The following HELLS variants were observed in gnomAD, a reference collection of about 807,000 sequenced individuals.
The protein encoded by HELLS is helicase, lymphoid specific.
A neutral mutation model predicts 120.0 loss-of-function variants in HELLS; 32 were observed. The ratio of observed to expected loss-of-function variants is 0.27; its 90% CI spans 0.20 to 0.36. The LOEUF (loss-of-function observed/expected upper bound fraction) is 0.36, where lower values mean the gene tolerates loss of function less well. HELLS is among the 10% of genes least tolerant of loss of function. The pLI is 1.00. For missense variants in HELLS, 650 were observed against 993.4 expected (o/e 0.65, Z 4.65); for synonymous variants, 341 against 323.4 (o/e 1.05, Z -0.58).
At chr10:94,553,953 G>A (rs571687139) in intron 2 of HELLS, among the ~76,000 whole-genome samples, 173 bp from the exon 3 acceptor site, 17 of 152,066 alleles carry the variant, frequency 1.1e-4, no homozygotes, top group African/African-American at 2.9e-4. Flanking sequence ...CTATCAGATT[G>A]CCTGTTAAAC....
intron 6 of HELLS, among the ~76,000 whole-genome samples, chr10:94,564,692 A>G (rs998911371): frequency 5.9e-5 from 9 of 151,790 alleles, no homozygotes; most frequent in Non-Finnish European, 1.3e-4. Context: ...GCTCACTGCT[A>G]CAAGCTCCAC....
rs1433189897 is a variant in HELLS, at chr10:94,545,921, C to T, written c.-1C>T. On this transcript the variant is annotated 5_prime_UTR_variant, in exon 1 of 22. Coordinates refer to ENST00000348459, the MANE Select transcript of HELLS (RefSeq NM_018063.5). ...CCCGGTTCCCGGGTGAGTGTCCAGGCATGCCAGCGGAACGGCCCGCGGGCA... is the reference window on the plus strand; with the variant it reads ...CCCGGTTCCCGGGTGAGTGTCCAGGTATGCCAGCGGAACGGCCCGCGGGCA... 6.4e-7 allele frequency: 1 copy of T among 1,555,358 alleles called. No individual in the cohort carries two copies. The highest frequency in any genetic ancestry group is 8.7e-7 in the Non-Finnish European group (1 of 1,148,830).
chr10:94,575,765 TTGTGTTTGTGTGTGTGTGTGTG>T (rs1589733690), intron 9 of HELLS, among the ~76,000 whole-genome samples: 2 of 38,702 alleles, frequency 5.2e-5, no homozygotes, highest in East Asian at 2.6e-3. Flanking sequence ...GGGGGGGGGG[TTGTGTTTGTGTGTGTGTGTGTG>T]TGTGTGTGTG....
At chr10:94,602,489 G>A (rs574333521), downstream of HELLS, among the ~76,000 whole-genome samples, 6 of 152,266 alleles carry the variant, frequency 3.9e-5, no homozygotes, top group African/African-American at 1.4e-4. Flanking sequence ...ATCAGACAAT[G>A]AGGAAGAGAA....
At position 94,589,779 on chromosome 10, in the gene HELLS, C is replaced by T. The variant is rs530348134; in HGVS notation, c.1489-634C>T. 1.6e-3 allele frequency among the ~76,000 whole-genome samples: 245 copies of T among 150,224 alleles called. 1 individual carries two copies. Among genetic ancestry groups the T allele is most frequent in the Non-Finnish European group, 2.8e-3 (191 of 67,764 alleles). On this transcript the variant is annotated intron_variant, in intron 13 of 21. Coordinates refer to ENST00000348459, the MANE Select transcript of HELLS (RefSeq NM_018063.5). ...TTGGCTTACTGCAAGCTCCGCCTCC[C>T]GGGTTCATGCCATTCTCCTGCCTCA... is the stretch of plus-strand genomic sequence containing the variant.
At chr10:94,550,083 G>C (rs1027959585) in intron 2 of HELLS, among the ~76,000 whole-genome samples, 1 of 152,018 alleles carries the variant, frequency 6.6e-6, no homozygotes, top group African/African-American at 2.4e-5. Flanking sequence ...GCCAAGCCTG[G>C]CTAATTTTGT....
chr10:94,564,888 C>A (rs925751722), intron 6 of HELLS, among the ~76,000 whole-genome samples: 9 of 152,098 alleles, frequency 5.9e-5, no homozygotes, highest in African/African-American at 2.2e-4. Flanking sequence ...AGGCACCACT[C>A]CTGGCCACAT....
At chr10:94,591,605 A>G (rs1367535008) in intron 15 of HELLS, among the ~76,000 whole-genome samples, 2 of 152,154 alleles carry the variant, frequency 1.3e-5, no homozygotes, top group Non-Finnish European at 2.9e-5. Context: ...TGCCACTAGT[A>G]TTCACTTCCC....
In HELLS at chr10:94,545,844, C is replaced by T. The variant is rs553114930; in HGVS notation, c.-78C>T. 3.3e-5 allele frequency: 48 copies of T among 1,472,410 alleles called. 1 individual carries two copies. In the South Asian group the frequency reaches 5.3e-4, roughly 16 times the overall value. 91.2% of individuals were successfully genotyped at this position (1,472,410 alleles called of 1,614,324 possible). ...GGATTTGGCTAGAAGGCTGGGCCGG[C>T]AGCGGTTGTGAGGAGTTAGCTCGCG... On this transcript the variant is annotated 5_prime_UTR_variant, in exon 1 of 22. Transcript: ENST00000348459.
chr10:94,575,644 A>G (rs942431243), intron 9 of HELLS, among the ~76,000 whole-genome samples: 2 of 151,618 alleles, frequency 1.3e-5, no homozygotes, highest in South Asian at 2.1e-4. Flanking sequence ...GATGGCCTCT[A>G]TCTCCTGACC....
chr10:94,597,133 A>T, intron 21 of HELLS, 22 bp downstream of exon 21: 1 of 1,390,414 alleles, frequency 7.2e-7, no homozygotes, highest in Non-Finnish European at 1.0e-6. Flanking sequence ...GCTTTTTTTT[A>T]ATGGAAGCTT....
intron 2 of HELLS, among the ~76,000 whole-genome samples, chr10:94,548,182 A>G (rs1422676321): frequency 2.0e-5 from 3 of 152,200 alleles, no homozygotes; most frequent in Non-Finnish European, 4.4e-5. Context: ...ATAGTAGGCA[A>G]TCAGTAAGTG....
At chr10:94,571,650 A>G (rs1165213765) in intron 7 of HELLS, among the ~76,000 whole-genome samples, 1 of 152,194 alleles carries the variant, frequency 6.6e-6, no homozygotes, top group Admixed American at 6.5e-5. Flanking sequence ...TGATGTATAA[A>G]TGTTAATTTA....
intron 6 of HELLS, chr10:94,570,818 C>T (rs1181144570): frequency 6.6e-6 from 1 of 151,950 alleles, no homozygotes; most frequent in African/African-American, 2.4e-5. Flanking sequence ...TCCACAGAGG[C>T]CTAAAGTGGG....
chr10:94,567,905 G>GTTT lies in HELLS; in HGVS notation c.436-3463_436-3461dup, dbSNP rs34881072. Among the ~76,000 whole-genome samples, 969 of 130,460 alleles carry GTTT rather than the reference G, an allele frequency of 7.4e-3. 18 individuals carry two copies. Among genetic ancestry groups the GTTT allele is most frequent in the African/African-American group, 0.027 (884 of 32,854 alleles). The allele number at this position is 130,460 out of a possible 152,430, so 85.6% of individuals were successfully genotyped here. ...GCATGGGCAAGAGAATGAAACCCTG[G>GTTT]TTTTTTTTTTTTTTTTTTTTTTGGA... On this transcript the variant is annotated intron_variant, in intron 6 of 21. Coordinates refer to ENST00000348459, the MANE Select transcript of HELLS (RefSeq NM_018063.5).
At chr10:94,576,584 A>G (rs546773078) in intron 9 of HELLS, 78 bp from the exon 10 acceptor site, 2 of 726,500 alleles carry the variant, frequency 2.8e-6, no homozygotes, top group Non-Finnish European at 4.1e-6. Context: ...TTTCCCTCAG[A>G]ATGATTTATA....
At chr10:94,575,491 A>G (rs960801858) in intron 9 of HELLS, among the ~76,000 whole-genome samples, 1 of 150,688 alleles carries the variant, frequency 6.6e-6, no homozygotes, top group Non-Finnish European at 1.5e-5. Flanking sequence ...ATTTATATAT[A>G]TATTATTTAT....
chr10:94,564,668 G>A (rs1423355046), intron 6 of HELLS, among the ~76,000 whole-genome samples: 1 of 151,898 alleles, frequency 6.6e-6, no homozygotes, highest in African/African-American at 2.4e-5. Context: ...CTGGAGTGCA[G>A]TGGCGCGATC....
chr10:94,560,172 C>T (rs1843479981), intron 4 of HELLS, among the ~76,000 whole-genome samples: 1 of 152,104 alleles, frequency 6.6e-6, no homozygotes, highest in Admixed American at 6.5e-5. Flanking sequence ...GCTGGGATTA[C>T]AAGCACCTGC....
Sources: gnomAD v4.1 joint callset for allele counts (sites outside exome capture counted in the v4.1 genomes callset) on GRCh38, gnomAD v4.1.1 for gene constraint, MANE v1.5 for transcripts, NCBI Gene and HGNC (gene_info 2026-07-23, HGNC 2026-07-21) for gene names.